The following YEATS4 variants were observed in gnomAD, a reference collection of about 807,000 sequenced individuals.
YEATS4 encodes YEATS domain containing 4.
In YEATS4, 17 loss-of-function variants were observed where a neutral mutation model predicts 30.1. The observed-to-expected ratio is 0.56, with a 90% CI of 0.39 to 0.85. YEATS4 has a LOEUF of 0.85. Among genes scored for constraint, YEATS4 ranks in the 40% least tolerant of loss-of-function variants. The pLI is 0.00. For missense variants in YEATS4, 142 were observed against 268.3 expected (o/e 0.53, Z 3.29); for synonymous variants, 85 against 87.5 (o/e 0.97, Z 0.16).
At chr12:69,364,383 A>G (rs1875349257) in intron 2 of YEATS4, 1 of 188,910 alleles carries the variant, frequency 5.3e-6, no homozygotes, top group Non-Finnish European at 1.1e-5. Flanking sequence ...AAAAATTCCT[A>G]AAAGTAAATT....
At chr12:69,406,823 T>C in the YEATS4 span, among the ~76,000 whole-genome samples, 1 of 151,430 alleles carries the variant, frequency 6.6e-6, no homozygotes, top group African/African-American at 2.5e-5. Flanking sequence ...TTTCTTTTCT[T>C]TCTTTTTTTG....
At position 69,362,056 on chromosome 12, in the gene YEATS4, T is replaced by TG. The variant is rs1373744560; in HGVS notation, c.52-731dup. ...TTTTGGAGACAGAGGCTCGCTCTGT[T>TG]GCCCAGGCTGGAGTGCAATGGTATG... On this transcript the variant is annotated intron_variant, in intron 1 of 6. Transcript: ENST00000247843. Among the ~76,000 whole-genome samples, 7 of 138,670 alleles carry TG rather than the reference T, an allele frequency of 5.0e-5. No homozygotes were observed. In the East Asian group the frequency reaches 1.5e-3, roughly 29 times the overall value. 91.0% of individuals were successfully genotyped at this position (138,670 alleles called of 152,430 possible).
chr12:69,370,800 T>A lies in YEATS4; in HGVS notation c.426+2T>A. ...GTTTCAGAGTTCTATGATGAAATGGTAAGAAGATTTTATAATGATAGTTTT... is the reference window on the plus strand; with the variant it reads ...GTTTCAGAGTTCTATGATGAAATGGAAAGAAGATTTTATAATGATAGTTTT... On this transcript the variant is annotated splice_donor_variant, in intron 5 of 6. Coordinates refer to ENST00000247843, the MANE Select transcript of YEATS4 (RefSeq NM_006530.4). LOFTEE classifies it high-confidence loss of function. The A allele has an allele frequency of 6.3e-7, 1 of 1,596,322 alleles. No homozygotes were observed. Among genetic ancestry groups the A allele is most frequent in the Non-Finnish European group, 8.5e-7 (1 of 1,174,662 alleles).
the YEATS4 span, among the ~76,000 whole-genome samples, chr12:69,400,714 A>G: frequency 1.7e-3 from 262 of 151,644 alleles, no homozygotes; most frequent in Admixed American, 2.7e-3. Flanking sequence ...AAAAAAAAGG[A>G]TGTATGAATT....
the YEATS4 span, among the ~76,000 whole-genome samples, chr12:69,403,142 T>G: frequency 6.6e-6 from 1 of 152,180 alleles, no homozygotes; most frequent in Non-Finnish European, 1.5e-5. Flanking sequence ...TGTTCTGATG[T>G]TTCTCTAGAC....
the YEATS4 span, among the ~76,000 whole-genome samples, chr12:69,408,734 G>A: frequency 6.6e-6 from 1 of 152,230 alleles, no homozygotes; most frequent in South Asian, 2.1e-4. Context: ...GCTCCAGCCT[G>A]AGTAGATTCC....
intron 4 of YEATS4, among the ~76,000 whole-genome samples, chr12:69,366,810 A>C (rs1875452832): frequency 6.6e-6 from 1 of 152,226 alleles, no homozygotes; most frequent in African/African-American, 2.4e-5. Context: ...GCTGAATATC[A>C]CCTGGACCAG....
At chr12:69,367,158 G>A (rs765346911) in intron 4 of YEATS4, among the ~76,000 whole-genome samples, 3 of 152,148 alleles carry the variant, frequency 2.0e-5, no homozygotes, top group African/African-American at 4.8e-5. Flanking sequence ...CAAGGTTGGG[G>A]TAGTTTTAGT....
At chr12:69,382,715 C>T (rs1463132858) in intron 6 of YEATS4, among the ~76,000 whole-genome samples, 1 of 152,218 alleles carries the variant, frequency 6.6e-6, no homozygotes, top group Non-Finnish European at 1.5e-5. Flanking sequence ...TGTGTGGAGG[C>T]TGTCCCAGTA....
At chr12:69,396,130 T>C in the YEATS4 span, among the ~76,000 whole-genome samples, 1 of 152,214 alleles carries the variant, frequency 6.6e-6, no homozygotes, top group Non-Finnish European at 1.5e-5. Context: ...TTAACTGTTC[T>C]CTACCCTCAA....
chr12:69,409,615 TAA>T, the YEATS4 span, among the ~76,000 whole-genome samples: 1 of 142,368 alleles, frequency 7.0e-6, no homozygotes, highest in Non-Finnish European at 1.5e-5. Flanking sequence ...AGACTCTGTT[TAA>T]AAAAAAAAAA....
chr12:69,376,258 C>G (rs1230406155), intron 6 of YEATS4, among the ~76,000 whole-genome samples: 5 of 152,072 alleles, frequency 3.3e-5, no homozygotes, highest in Non-Finnish European at 4.4e-5. Context: ...CCCAGCTACT[C>G]GTGTGGCAGA....
the YEATS4 span, among the ~76,000 whole-genome samples, chr12:69,421,269 A>G: frequency 6.6e-6 from 1 of 152,332 alleles, no homozygotes; most frequent in Middle Eastern, 3.4e-3. Context: ...CAAAAAAGAT[A>G]GATATTAAGA....
rs1876045257 is a variant in YEATS4 at position 69,380,804 on chromosome 12, TG to T, written c.515-9340del. ...GTACAAAAGAGAGAAATTTTAAAGC[TG>T]GGTGTCCAGGGGAGACATCACATGT... On this transcript the variant is annotated intron_variant, in intron 6 of 6. Transcript: ENST00000247843. Among the ~76,000 whole-genome samples the T allele has an allele frequency of 3.3e-5, 5 of 152,272 alleles. No individual in the cohort carries two copies. In the South Asian group the frequency reaches 1.0e-3, roughly 32 times the overall value.
At chr12:69,369,078 T>C (rs1012989425) in intron 4 of YEATS4, among the ~76,000 whole-genome samples, 8 of 152,186 alleles carry the variant, frequency 5.3e-5, no homozygotes, top group Non-Finnish European at 1.2e-4. Context: ...AATATACCTT[T>C]TGCAGGGAGG....
the YEATS4 span, among the ~76,000 whole-genome samples, chr12:69,423,503 C>A: frequency 2.0e-5 from 3 of 152,256 alleles, no homozygotes; most frequent in East Asian, 5.8e-4. Context: ...CCAGAAGAGA[C>A]AATCTATACA....
At chr12:69,416,154 C>A in the YEATS4 span, among the ~76,000 whole-genome samples, 1 of 152,166 alleles carries the variant, frequency 6.6e-6, no homozygotes. Context: ...CTTCAGTTCC[C>A]TGTGTGTGCC....
the YEATS4 span, among the ~76,000 whole-genome samples, chr12:69,423,575 T>C: frequency 6.6e-6 from 1 of 152,160 alleles, no homozygotes; most frequent in Non-Finnish European, 1.5e-5. Context: ...TCCACAGATC[T>C]GAAACAGAGT....
the YEATS4 span, among the ~76,000 whole-genome samples, chr12:69,424,947 T>C: frequency 4.6e-5 from 7 of 152,098 alleles, no homozygotes; most frequent in Admixed American, 1.3e-4. Flanking sequence ...GAGACGGAGT[T>C]TTGCTCTTGT....
Sources: allele counts gnomAD v4.1 joint callset (sites outside exome capture counted in the v4.1 genomes callset), GRCh38; gene constraint gnomAD v4.1.1; transcripts MANE v1.5; gene names NCBI Gene and HGNC (gene_info 2026-07-23, HGNC 2026-07-21).